Variants in RESF1 observed in about 807,000 individuals in gnomAD.
The protein encoded by RESF1 is gonad expressed transcript.
RESF1 carries 65 observed loss-of-function variants against 134.7 expected under a neutral mutation model. The ratio of observed to expected loss-of-function variants is 0.48; its 90% CI spans 0.40 to 0.59. The LOEUF (loss-of-function observed/expected upper bound fraction) is 0.59, where lower values mean the gene tolerates loss of function less well. Ranked by LOEUF, RESF1 falls within the 20% of genes least tolerant of loss-of-function variation. The pLI is 0.00. For missense variants in RESF1, 2,274 were observed against 2,002.7 expected, an observed-to-expected ratio of 1.14 and a Z score of -2.59; for synonymous variants, 762 against 702.2, an observed-to-expected ratio of 1.09 and a Z score of -1.35.
rs1411957720 is a variant in RESF1, at chr12:31,984,487, C to A, written c.3532C>A (p.Leu1178Ile). ...TATCCACTGCTGTGCATTGGGCTGG[C>A]TCTCCATGGTTTACGAAGGAGTACC... ...DDIHCCALGW[L>I]SMVYEGVPQC... Residue 1178 changes from leucine to isoleucine, a missense_variant, in exon 4 of 6, where the codon CTC becomes ATC. Physicochemically the swap from Leu to Ile is conservative, Grantham distance 5. Coordinates refer to ENST00000312561, the MANE Select transcript of RESF1 (RefSeq NM_018169.4). 5.0e-6 allele frequency: 8 copies of A among 1,611,180 alleles called. No individual in the cohort carries two copies. The highest frequency in any genetic ancestry group is 5.9e-6 in the Non-Finnish European group (7 of 1,177,858).
chr12:31,970,719 TTTA>T (rs1422929166), intron 3 of RESF1, among the ~76,000 whole-genome samples: 1 of 152,250 alleles, frequency 6.6e-6, no homozygotes, highest in Non-Finnish European at 1.5e-5. Flanking sequence ...AGGGTGCTGC[TTTA>T]TTTGTAAATC....
chr12:31,976,675 T>TC (rs1248160774), intron 3 of RESF1, among the ~76,000 whole-genome samples: 1 of 151,812 alleles, frequency 6.6e-6, no homozygotes, highest in Non-Finnish European at 1.5e-5. Context: ...AGAGCGAGAC[T>TC]CCATCTCAAA....
chr12:31,959,493 T>A lies in RESF1; in HGVS notation c.-342+2T>A, dbSNP rs1363743644. ...GGGGTGGTCCTCTTCCCTTTGTCGG[T>A]AAGTGTGAGACGAGCACCCCGAGGT... On this transcript the variant is annotated splice_donor_variant, in intron 1 of 5. Transcript: ENST00000312561. LOFTEE classifies it low-confidence loss of function (5UTR_SPLICE). 1 of 152,232 alleles carries A rather than the reference T, an allele frequency of 6.6e-6. No homozygotes were observed. The highest frequency in any genetic ancestry group is 1.5e-5 in the Non-Finnish European group (1 of 68,060). The allele number at this position is 152,232 out of a possible 1,614,324, so 9.4% of individuals were successfully genotyped here.
chr12:31,981,054 C>T lies in RESF1; in HGVS notation c.99C>T (p.Thr33=), dbSNP rs143065751. 11 of 1,614,066 alleles carry T rather than the reference C, an allele frequency of 6.8e-6. No homozygotes were observed. Among genetic ancestry groups the T allele is most frequent in the Non-Finnish European group, 9.3e-6 (11 of 1,179,962 alleles). ...ACCAGTCTTTAATAAACCAAATTAC[C>T]ACAACATCTCAGAGTTCTTTCAGCT... The part of the protein sequence containing the change: ...FLHQSLINQI[T]TTSQSSFSYP... Residue 33 remains threonine (T), a synonymous_variant, in exon 4 of 6, where the codon ACC becomes ACT. Transcript: ENST00000312561.
intron 5 of RESF1, among the ~76,000 whole-genome samples, chr12:31,989,029 T>C (rs1940037520): frequency 6.6e-6 from 1 of 151,820 alleles, no homozygotes; most frequent in South Asian, 2.1e-4. Flanking sequence ...GAAAGTACCT[T>C]GTTGTTAGGG....
chr12:31,972,196 T>C (rs1350558571), intron 3 of RESF1, among the ~76,000 whole-genome samples: 1 of 152,210 alleles, frequency 6.6e-6, no homozygotes, highest in Non-Finnish European at 1.5e-5. Flanking sequence ...CCCTGAGTTC[T>C]GTGAGCTGCT....
At position 31,984,711 on chromosome 12, in the gene RESF1, A is replaced by G. The variant is rs1293885833; in HGVS notation, c.3756A>G (p.Gln1252=). The G allele has an allele frequency of 1.3e-6, 2 of 1,599,570 alleles. No individual in the cohort carries two copies. Among genetic ancestry groups the G allele is most frequent in the Admixed American group, 1.8e-5 (1 of 55,278 alleles). Residue 1252 remains glutamine, a synonymous_variant, in exon 4 of 6, where the codon CAA becomes CAG. Transcript: ENST00000312561. ...PDGKSHFPEL[Q]DDSRKDTPKT... ...GGAAAAGTCATTTTCCTGAACTACAAGACGACAGTAGAAAAGATACACCCA... is the reference window on the plus strand; with the variant it reads ...GGAAAAGTCATTTTCCTGAACTACAGGACGACAGTAGAAAAGATACACCCA...
chr12:31,983,265 G>A lies in RESF1; in HGVS notation c.2310G>A (p.Glu770=), dbSNP rs779571886. 2.5e-6 allele frequency: 4 copies of A among 1,612,954 alleles called. No homozygotes were observed. The highest frequency in any genetic ancestry group is 2.5e-6 in the Non-Finnish European group (3 of 1,179,406). ...IAVVSPLVLS[E]VKTLSVKGIT... is the part of the protein sequence containing the mutation. ...TAGTGTCACCGTTAGTTCTGTCAGAGGTCAAAACATTGTCTGTCAAAGGAA... is the reference window on the plus strand; with the variant it reads ...TAGTGTCACCGTTAGTTCTGTCAGAAGTCAAAACATTGTCTGTCAAAGGAA... Residue 770 remains glutamate, a synonymous_variant, in exon 4 of 6, where the codon GAG becomes GAA. Coordinates refer to ENST00000312561, the MANE Select transcript of RESF1 (RefSeq NM_018169.4).
At chr12:31,966,181 C>T (rs1485007657) in intron 2 of RESF1, among the ~76,000 whole-genome samples, 4 of 152,168 alleles carry the variant, frequency 2.6e-5, no homozygotes, top group Admixed American at 1.3e-4. Context: ...AAAAAAAAAT[C>T]TCATAATGTT....
intron 3 of RESF1, among the ~76,000 whole-genome samples, chr12:31,979,126 T>C (rs1000503934): frequency 2.6e-5 from 4 of 152,088 alleles, no homozygotes; most frequent in Non-Finnish European, 5.9e-5. Context: ...TTCACTGTGT[T>C]AGCCAGGATG....
At chr12:31,977,224 A>G (rs1169294651) in intron 3 of RESF1, among the ~76,000 whole-genome samples, 1 of 152,178 alleles carries the variant, frequency 6.6e-6, no homozygotes, top group Non-Finnish European at 1.5e-5. Context: ...TTTGTTGCCC[A>G]GGCTTGAGTG....
chr12:31,984,208 T>G lies in RESF1; in HGVS notation c.3253T>G (p.Ser1085Ala). Residue 1085 changes from serine to alanine, a missense_variant, in exon 4 of 6, where the codon TCA becomes GCA. Ser to Ala is a moderately conservative substitution (Grantham distance 99). Coordinates refer to ENST00000312561, the MANE Select transcript of RESF1 (RefSeq NM_018169.4). ...SVGQQTTYQT[S>A]EDQTADKTSS... is the part of the protein sequence containing the mutation. ...GGGCCAGCAAACTACATACCAGACCTCAGAAGATCAAACTGCTGATAAAAC... is the reference window on the plus strand; with the variant it reads ...GGGCCAGCAAACTACATACCAGACCGCAGAAGATCAAACTGCTGATAAAAC... The G allele has an allele frequency of 6.2e-7, 1 of 1,613,840 alleles. No individual in the cohort carries two copies.
intron 2 of RESF1, among the ~76,000 whole-genome samples, chr12:31,961,642 T>G (rs80323060): frequency 0.012 from 1,858 of 152,376 alleles, 101 homozygotes; most frequent in Admixed American, 0.094. Context: ...TTATGAGCTT[T>G]TTATTGATTA....
Position 31,985,215 on chromosome 12 carries a change from TA to T in RESF1, c.4263del (p.Glu1422LysfsTer10). On this transcript the variant is annotated frameshift_variant, in exon 4 of 6. Coordinates refer to ENST00000312561, the MANE Select transcript of RESF1 (RefSeq NM_018169.4). LOFTEE classifies it high-confidence loss of function. ...CAAACCCAAACGAAAGAGCCATTGT[TA>T]AAGAAAAGATGGTATCAAATACTAA... is the stretch of plus-strand genomic sequence containing the variant. ...LSNPNERAIV[K>X]EKMVSNTKSV... 4 of 1,585,262 alleles carry T rather than the reference TA, an allele frequency of 2.5e-6. No individual in the cohort carries two copies. The highest frequency in any genetic ancestry group is 3.4e-6 in the Non-Finnish European group (4 of 1,172,112).
At position 31,984,145 on chromosome 12, in the gene RESF1, T is replaced by C. The variant is rs1307675347; in HGVS notation, c.3190T>C (p.Tyr1064His). 1.9e-6 allele frequency: 3 copies of C among 1,612,748 alleles called. No individual in the cohort carries two copies. Among genetic ancestry groups the C allele is most frequent in the South Asian group, 2.2e-5 (2 of 90,878 alleles). The change falls in exon 4 of 6, where the codon TAT becomes CAT. Residue 1064 changes from tyrosine to histidine, a missense_variant. Tyr to His is a moderately conservative substitution (Grantham distance 83). Coordinates refer to ENST00000312561, the MANE Select transcript of RESF1 (RefSeq NM_018169.4). ...GTCAGAACTTCTAAAAGAGTTTCCTTATGGCATTGAGGCTGTGAATACACG... is the reference window on the plus strand; with the variant it reads ...GTCAGAACTTCTAAAAGAGTTTCCTCATGGCATTGAGGCTGTGAATACACG... ...QLSELLKEFP[Y>H]GIEAVNTREG...
intron 2 of RESF1, among the ~76,000 whole-genome samples, chr12:31,963,505 A>T (rs1269533227): frequency 6.6e-6 from 1 of 152,174 alleles, no homozygotes; most frequent in Non-Finnish European, 1.5e-5. Context: ...GGCAGCCCTG[A>T]CATCTCCAGA....
At chr12:31,967,202 G>A (rs1939416794) in intron 2 of RESF1, among the ~76,000 whole-genome samples, 1 of 150,456 alleles carries the variant, frequency 6.6e-6, no homozygotes, top group South Asian at 2.1e-4. Flanking sequence ...TGATTTTGCT[G>A]TTGGACTTAG....
intron 2 of RESF1, among the ~76,000 whole-genome samples, chr12:31,964,890 A>G (rs759766625): frequency 6.6e-5 from 10 of 152,116 alleles, no homozygotes; most frequent in Non-Finnish European, 1.0e-4. Context: ...CCTGGGTTCT[A>G]GGTTCTGTTC....
Position 31,984,188 on chromosome 12 carries a change from A to T in RESF1, c.3233A>T (p.Gln1078Leu), listed in dbSNP as rs763039871. 1.2e-6 allele frequency: 2 copies of T among 1,613,492 alleles called. No individual in the cohort carries two copies. The highest frequency in any genetic ancestry group is 2.2e-5 in the South Asian group (2 of 90,944). Residue 1078 changes from glutamine to leucine, a missense_variant, in exon 4 of 6, where the codon CAG (glutamine) becomes CTG (leucine). Gln to Leu is a moderately radical substitution (Grantham distance 113). Coordinates refer to ENST00000312561, the MANE Select transcript of RESF1 (RefSeq NM_018169.4). ...AATACACGTGAAGGTTCTGTGGGCCAGCAAACTACATACCAGACCTCAGAA... is the reference window on the plus strand; with the variant it reads ...AATACACGTGAAGGTTCTGTGGGCCTGCAAACTACATACCAGACCTCAGAA... ...AVNTREGSVG[Q>L]QTTYQTSEDQ... is the part of the protein sequence containing the mutation.
Sources: allele counts gnomAD v4.1 joint callset (sites outside exome capture counted in the v4.1 genomes callset), GRCh38; gene constraint gnomAD v4.1.1; transcripts MANE v1.5; gene names NCBI Gene and HGNC (gene_info 2026-07-23, HGNC 2026-07-21).